ATF7IP: variants seen among roughly 807,000 people sequenced by gnomAD.
The protein encoded by ATF7IP is activating transcription factor 7-interacting protein 1.
A neutral mutation model predicts 106.4 loss-of-function variants in ATF7IP; 23 were observed. The observed-to-expected ratio is 0.22, with a 90% CI of 0.16 to 0.31. The LOEUF (loss-of-function observed/expected upper bound fraction) is 0.31, where lower values mean the gene tolerates loss of function less well. Among genes scored for constraint, ATF7IP ranks in the 10% least tolerant of loss-of-function variants. ATF7IP has a pLI of 1.00. For missense variants in ATF7IP, 1,334 were observed against 1,524.3 expected (o/e 0.88, Z 2.08); for synonymous variants, 542 against 539.0 (o/e 1.01, Z -0.08).
At chr12:14,411,465 A>G (rs1308507617) in intron 1 of ATF7IP, among the ~76,000 whole-genome samples, 4 of 152,030 alleles carry the variant, frequency 2.6e-5, no homozygotes, top group African/African-American at 9.7e-5. Flanking sequence ...GCAGCAAACC[A>G]CCATGGCACT....
chr12:14,441,187 TC>T (rs1204567770), intron 5 of ATF7IP, among the ~76,000 whole-genome samples: 1 of 152,196 alleles, frequency 6.6e-6, no homozygotes, highest in Non-Finnish European at 1.5e-5. Flanking sequence ...CATTTTCTGT[TC>T]CCACCAGCAA....
At chr12:14,488,492 C>A (rs1320680478) in intron 13 of ATF7IP, among the ~76,000 whole-genome samples, 1 of 152,154 alleles carries the variant, frequency 6.6e-6, no homozygotes, top group Non-Finnish European at 1.5e-5. Context: ...TTGTTGGCAG[C>A]TGATTAGATT....
chr12:14,447,958 T>G (rs989426209), intron 6 of ATF7IP, among the ~76,000 whole-genome samples: 4 of 152,188 alleles, frequency 2.6e-5, no homozygotes, highest in Non-Finnish European at 5.9e-5. Flanking sequence ...TGTTTATCAT[T>G]TTGCCACTCT....
intron 4 of ATF7IP, among the ~76,000 whole-genome samples, 164 bp downstream of exon 4, chr12:14,436,415 G>C (rs1942403988): frequency 6.6e-6 from 1 of 152,268 alleles, no homozygotes; most frequent in African/African-American, 2.4e-5. Context: ...TTACTGGCCA[G>C]ATGTGGTGGA....
At chr12:14,404,135 T>G (rs867829838) in intron 1 of ATF7IP, among the ~76,000 whole-genome samples, 79 of 150,216 alleles carry the variant, frequency 5.3e-4, no homozygotes, top group South Asian at 3.8e-3. Flanking sequence ...TTGTAAGCTT[T>G]TTTTTTTTTT....
chr12:14,481,576 A>G lies in ATF7IP; in HGVS notation c.3280+391A>G. ...CAAAAAAGAAATGGCAGTATAACCA[A>G]AACTAATCTATTATTATTTTTCTTC... On this transcript the variant is annotated intron_variant, in intron 13 of 14. Transcript: ENST00000261168. 2 of 425,160 alleles carry G rather than the reference A, an allele frequency of 4.7e-6. 1 individual carries two copies. Among genetic ancestry groups the G allele is most frequent in the South Asian group, 3.5e-5 (2 of 57,182 alleles). 26.3% of individuals were successfully genotyped at this position (425,160 alleles called of 1,614,324 possible). A position where few individuals can be genotyped will look rare whatever the true frequency, so the allele number is the denominator to read the frequency against.
At chr12:14,456,161 G>A (rs1357295878) in intron 6 of ATF7IP, among the ~76,000 whole-genome samples, 1 of 152,138 alleles carries the variant, frequency 6.6e-6, no homozygotes, top group Non-Finnish European at 1.5e-5. Context: ...GTGCTAATAT[G>A]ATGCCTGCTA....
At chr12:14,429,422 A>T (rs943689050) in intron 2 of ATF7IP, among the ~76,000 whole-genome samples, 1 of 152,116 alleles carries the variant, frequency 6.6e-6, no homozygotes, top group Admixed American at 6.5e-5. Context: ...TTTCTTAAAC[A>T]TAAGATTTTT....
At chr12:14,495,474 G>A (rs1944984521) in intron 13 of ATF7IP, among the ~76,000 whole-genome samples, 3 of 152,178 alleles carry the variant, frequency 2.0e-5, no homozygotes, top group Non-Finnish European at 2.9e-5. Context: ...TAATCAACAA[G>A]GTTAGAAATG....
intron 5 of ATF7IP, among the ~76,000 whole-genome samples, chr12:14,446,383 G>A (rs192988052): frequency 1.3e-5 from 2 of 152,200 alleles, no homozygotes; most frequent in Middle Eastern, 3.4e-3. Context: ...CTTGGCCTTA[G>A]GTGATCCACC....
intron 1 of ATF7IP, among the ~76,000 whole-genome samples, chr12:14,412,946 G>A (rs772153445): frequency 3.9e-5 from 6 of 152,248 alleles, no homozygotes; most frequent in East Asian, 1.9e-4. Flanking sequence ...CCCAGGAGGC[G>A]GAGGCTACAG....
chr12:14,410,940 T>C (rs553929980), intron 1 of ATF7IP, among the ~76,000 whole-genome samples: 1 of 152,304 alleles, frequency 6.6e-6, no homozygotes, highest in South Asian at 2.1e-4. Flanking sequence ...TTAATGCATG[T>C]AGTAGCATGT....
At chr12:14,381,588 CTG>C (rs1007329720) in intron 1 of ATF7IP, among the ~76,000 whole-genome samples, 1 of 151,878 alleles carries the variant, frequency 6.6e-6, no homozygotes, top group Admixed American at 6.6e-5. Context: ...TTATTTCTCT[CTG>C]TTTTTTTAGG....
At chr12:14,483,019 C>T (rs200564349) in intron 13 of ATF7IP, among the ~76,000 whole-genome samples, 2 of 152,308 alleles carry the variant, frequency 1.3e-5, no homozygotes, top group East Asian at 1.9e-4. Flanking sequence ...CAAGTGTATA[C>T]ATGCACAAAC....
intron 1 of ATF7IP, among the ~76,000 whole-genome samples, chr12:14,369,549 G>C (rs146376366): frequency 0.013 from 2,021 of 152,198 alleles, 20 homozygotes; most frequent in Non-Finnish European, 0.019. Flanking sequence ...TGTTGGCCAG[G>C]CTCGTCTTGA....
intron 13 of ATF7IP, among the ~76,000 whole-genome samples, chr12:14,484,122 G>A (rs1024266177): frequency 9.2e-5 from 14 of 152,126 alleles, no homozygotes; most frequent in Non-Finnish European, 1.8e-4. Flanking sequence ...GAGGAATGGC[G>A]TGCTGTATCG....
chr12:14,403,839 G>T (rs1274631431), intron 1 of ATF7IP, among the ~76,000 whole-genome samples: 1 of 151,936 alleles, frequency 6.6e-6, no homozygotes, highest in Non-Finnish European at 1.5e-5. Flanking sequence ...TTTTCATGTG[G>T]CAGAGAGCCA....
chr12:14,434,083 T>A (rs11055972), intron 2 of ATF7IP, among the ~76,000 whole-genome samples: 82,737 of 152,074 alleles, frequency 0.54, 22,991 homozygotes, highest in African/African-American at 0.66. Flanking sequence ...GTAATTTTTT[T>A]AAATTACTTA....
chr12:14,397,924 C>T (rs2136453911), intron 1 of ATF7IP, among the ~76,000 whole-genome samples: 1 of 152,204 alleles, frequency 6.6e-6, no homozygotes, highest in East Asian at 1.9e-4. Context: ...TTTTGGCAGC[C>T]ACCTTGAGAT....
Sources: allele counts gnomAD v4.1 joint callset (sites outside exome capture counted in the v4.1 genomes callset), GRCh38; gene constraint gnomAD v4.1.1; transcripts MANE v1.5; gene names NCBI Gene and HGNC (gene_info 2026-07-23, HGNC 2026-07-21).